The following EPHB1 variants were observed in gnomAD, a reference collection of about 807,000 sequenced individuals.
EPHB1 encodes ephrin type-B receptor 1.
EPHB1 carries 30 observed loss-of-function variants against 94.4 expected under a neutral mutation model. The ratio of observed to expected loss-of-function variants is 0.32; its 90% confidence interval spans 0.24 to 0.43. EPHB1 has a LOEUF of 0.43. Among genes scored for constraint, EPHB1 ranks in the 20% least tolerant of loss-of-function variants. The probability of loss-of-function intolerance (pLI) is 1.00; values close to 1 mark genes in which losing one functional copy is unlikely to be tolerated. For synonymous variants in EPHB1, 522 were observed against 489.1 expected (o/e 1.07, Z -0.89); for missense variants, 1,055 against 1,308.3 (o/e 0.81, Z 2.99).
chr3:134,984,476 C>T (rs1016620480), intron 3 of EPHB1, among the ~76,000 whole-genome samples: 6 of 152,188 alleles, frequency 3.9e-5, no homozygotes, highest in African/African-American at 1.2e-4. Context: ...GGGACAACAT[C>T]AGAACAAACA....
chr3:134,811,062 TCC>T (rs1391449133), intron 1 of EPHB1, among the ~76,000 whole-genome samples: 1 of 151,868 alleles, frequency 6.6e-6, no homozygotes, highest in East Asian at 1.9e-4. Context: ...ATCTCTCACT[TCC>T]CACCTAGACA....
At chr3:135,179,088 C>A (rs1013164088) in intron 9 of EPHB1, among the ~76,000 whole-genome samples, 1 of 151,910 alleles carries the variant, frequency 6.6e-6, no homozygotes, top group African/African-American at 2.4e-5. Flanking sequence ...CTACTTTGTC[C>A]CCATGCACAC....
intron 1 of EPHB1, among the ~76,000 whole-genome samples, chr3:134,816,618 C>G (rs1399705): frequency 0.12 from 18,115 of 152,000 alleles, 2,613 homozygotes; most frequent in African/African-American, 0.35. Context: ...CTGTATCTCT[C>G]TTTTCATTTG....
intron 3 of EPHB1, among the ~76,000 whole-genome samples, chr3:135,098,262 T>C (rs1000159783): frequency 6.6e-6 from 1 of 152,198 alleles, no homozygotes; most frequent in Non-Finnish European, 1.5e-5. Flanking sequence ...ATACAAAACA[T>C]TGATAAAGTA....
intron 3 of EPHB1, among the ~76,000 whole-genome samples, chr3:135,059,142 T>C (rs1438030445): frequency 6.6e-6 from 1 of 152,262 alleles, no homozygotes; most frequent in Non-Finnish European, 1.5e-5. Context: ...CAGATTCTTC[T>C]GTACAGATTC....
At chr3:135,150,713 A>T (rs1267185796) in intron 5 of EPHB1, among the ~76,000 whole-genome samples, 1 of 151,144 alleles carries the variant, frequency 6.6e-6, no homozygotes, top group South Asian at 2.1e-4. Flanking sequence ...TGAATCTTGA[A>T]TTTTTTCTAT....
chr3:134,872,386 C>A (rs577792523), intron 1 of EPHB1, among the ~76,000 whole-genome samples: 9 of 152,306 alleles, frequency 5.9e-5, no homozygotes, highest in South Asian at 4.1e-4. Context: ...ATTGCCTCTT[C>A]TATTTCTTAT....
At chr3:134,802,828 T>C (rs2035960410) in intron 1 of EPHB1, among the ~76,000 whole-genome samples, 1 of 152,238 alleles carries the variant, frequency 6.6e-6, no homozygotes, top group Admixed American at 6.5e-5. Context: ...CTTATTCATC[T>C]GCTCACTCAC....
chr3:134,922,922 T>C (rs1230504279), intron 1 of EPHB1, among the ~76,000 whole-genome samples: 2 of 152,236 alleles, frequency 1.3e-5, no homozygotes, highest in South Asian at 2.1e-4. Flanking sequence ...CAGTTGCCCC[T>C]GTTTCAGGCC....
chr3:135,042,007 T>A (rs1409933399), intron 3 of EPHB1, among the ~76,000 whole-genome samples: 1 of 152,188 alleles, frequency 6.6e-6, no homozygotes, highest in Non-Finnish European at 1.5e-5. Flanking sequence ...TGACCATGGC[T>A]CACTGCAGCC....
At chr3:135,119,543 C>T (rs982943819) in intron 4 of EPHB1, among the ~76,000 whole-genome samples, 2 of 152,112 alleles carry the variant, frequency 1.3e-5, no homozygotes, top group East Asian at 3.9e-4. Flanking sequence ...ACCTCCACCT[C>T]CCGGGTTCAA....
chr3:135,224,555 AT>A (rs1338741320), intron 12 of EPHB1, among the ~76,000 whole-genome samples: 1 of 152,142 alleles, frequency 6.6e-6, no homozygotes, highest in African/African-American at 2.4e-5. Context: ...TATATTACAT[AT>A]TTTTCTCTTG....
intron 1 of EPHB1, among the ~76,000 whole-genome samples, chr3:134,882,692 T>TTTCCTTCTTTCCTTCC (rs1232956939): frequency 1.3e-5 from 2 of 151,624 alleles, no homozygotes; most frequent in Non-Finnish European, 2.9e-5. Context: ...TTCCTTCTTC[T>TTTCCTTCTTTCCTTCC]TTCCTTCTTT....
chr3:135,114,728 G>GATAAATAAATAA (rs67059261), intron 4 of EPHB1, among the ~76,000 whole-genome samples: 10,653 of 133,552 alleles, frequency 0.08, 524 homozygotes, highest in East Asian at 0.18. Context: ...GTCTCAGATA[G>GATAAATAAATAA]ATAAATAAAT....
chr3:134,968,588 TATA>T (rs1933851149), intron 3 of EPHB1, among the ~76,000 whole-genome samples: 1 of 152,236 alleles, frequency 6.6e-6, no homozygotes, highest in African/African-American at 2.4e-5. Flanking sequence ...TTTTAAAAAT[TATA>T]ATACAGAAAA....
intron 10 of EPHB1, among the ~76,000 whole-genome samples, chr3:135,184,767 A>C (rs1442867804): frequency 6.6e-6 from 1 of 152,226 alleles, no homozygotes; most frequent in Non-Finnish European, 1.5e-5. Context: ...AGATAATGAG[A>C]GTAATTGAAG....
intron 5 of EPHB1, among the ~76,000 whole-genome samples, chr3:135,145,141 A>G (rs1016245537): frequency 6.6e-6 from 1 of 152,240 alleles, no homozygotes; most frequent in African/African-American, 2.4e-5. Flanking sequence ...GTTTTCATCT[A>G]CAGTGGGAGA....
At chr3:135,236,292 C>T (rs1327608475) in intron 12 of EPHB1, among the ~76,000 whole-genome samples, 1 of 151,994 alleles carries the variant, frequency 6.6e-6, no homozygotes, top group Non-Finnish European at 1.5e-5. Context: ...ATGGTATTCT[C>T]CCTGGTGTGT....
At chr3:135,239,692 G>T (rs893390987) in intron 12 of EPHB1, among the ~76,000 whole-genome samples, 1 of 152,182 alleles carries the variant, frequency 6.6e-6, no homozygotes, top group Non-Finnish European at 1.5e-5. Flanking sequence ...GACAGCACAG[G>T]CCATGCCAGC....
Sources: allele counts gnomAD v4.1 joint callset (sites outside exome capture counted in the v4.1 genomes callset), GRCh38; gene constraint gnomAD v4.1.1; transcripts MANE v1.5; gene names NCBI Gene and HGNC (gene_info 2026-07-23, HGNC 2026-07-21).